JPH3: variants seen among roughly 807,000 people sequenced by gnomAD.
JPH3 encodes junctophilin-3.
In JPH3, 11 loss-of-function variants were observed where a neutral mutation model predicts 59.6. The observed-to-expected ratio is 0.18, with a 90% CI of 0.12 to 0.31. JPH3 has a LOEUF of 0.31. JPH3 is among the 10% of genes least tolerant of loss of function. The probability of loss-of-function intolerance (pLI) is 1.00; values close to 1 mark genes in which losing one functional copy is unlikely to be tolerated. For synonymous variants in JPH3, 673 were observed against 483.6 expected (o/e 1.39, Z -5.14); for missense variants, 1,202 against 1,105.7 (o/e 1.09, Z -1.24).
intron 1 of JPH3, chr16:87,604,606 C>G (rs1325176235): frequency 1.7e-6 from 2 of 1,209,640 alleles, no homozygotes; most frequent in Non-Finnish European, 2.1e-6. Flanking sequence ...GTGCTTCTGC[C>G]GAGAATAAAA....
At chr16:87,666,093 CT>C (rs5818641) in intron 2 of JPH3, among the ~76,000 whole-genome samples, 48,793 of 144,806 alleles carry the variant, frequency 0.34, 8,662 homozygotes, top group African/African-American at 0.47. Context: ...CTTTTTTTCT[CT>C]TTTTTTTTTT....
intron 1 of JPH3, among the ~76,000 whole-genome samples, chr16:87,636,266 T>A (rs2031742994): frequency 6.6e-6 from 1 of 152,206 alleles, no homozygotes; most frequent in African/African-American, 2.4e-5. Context: ...GTCCTGCATC[T>A]GCGCCGTTCA....
Position 87,607,026 on chromosome 16 carries a change from G to A in JPH3, c.382+3498G>A, listed in dbSNP as rs150050987. On this transcript the variant is annotated intron_variant, in intron 1 of 4. Transcript: ENST00000284262. ...CTCAGGACAGCCATCCCAGAGCCTGGGCCTTTGCTAGGTACGTCGCTCTCT... is the reference window on the plus strand; with the variant it reads ...CTCAGGACAGCCATCCCAGAGCCTGAGCCTTTGCTAGGTACGTCGCTCTCT... Among the ~76,000 whole-genome samples, 719 of 152,246 alleles carry A rather than the reference G, an allele frequency of 4.7e-3. 4 individuals carry two copies. The highest frequency in any genetic ancestry group is 7.5e-3 in the Non-Finnish European group (508 of 68,006).
At chr16:87,639,205 C>G (rs1174023104) in intron 1 of JPH3, among the ~76,000 whole-genome samples, 1 of 152,162 alleles carries the variant, frequency 6.6e-6, no homozygotes, top group African/African-American at 2.4e-5. Context: ...ATCTGCACAG[C>G]CGCCCTCCCC....
chr16:87,604,386 G>A, intron 1 of JPH3: 1 of 1,431,744 alleles, frequency 7.0e-7, no homozygotes. Context: ...CGCCTGCCTG[G>A]ACTCTCCGAT....
Position 87,603,309 on chromosome 16 carries a change from T to C in JPH3, c.163T>C (p.Trp55Arg). 1 of 1,613,264 alleles carries C rather than the reference T, an allele frequency of 6.2e-7. No individual in the cohort carries two copies. Among genetic ancestry groups the C allele is most frequent in the Non-Finnish European group, 8.5e-7 (1 of 1,179,820 alleles). ...CTTCGAGGTGCTGGGCGTCTACACCTGGCCCAGCGGCAACACGTACCAGGG... is the reference window on the plus strand; with the variant it reads ...CTTCGAGGTGCTGGGCGTCTACACCCGGCCCAGCGGCAACACGTACCAGGG... ...HGFEVLGVYT[W>R]PSGNTYQGTW... The change falls in exon 1 of 5, where the codon TGG becomes CGG. Residue 55 changes from tryptophan to arginine, a missense_variant. Trp to Arg is a moderately radical substitution (Grantham distance 101). Coordinates refer to ENST00000284262, the MANE Select transcript of JPH3 (RefSeq NM_020655.4).
intron 3 of JPH3, among the ~76,000 whole-genome samples, chr16:87,686,501 C>A (rs571407981): frequency 4.5e-5 from 5 of 111,092 alleles, no homozygotes; most frequent in Admixed American, 3.3e-4. Context: ...AGGGCTCAAT[C>A]CTGGAGTCAG....
intron 1 of JPH3, among the ~76,000 whole-genome samples, chr16:87,624,394 A>G (rs907548276): frequency 3.3e-5 from 5 of 151,960 alleles, no homozygotes; most frequent in African/African-American, 1.2e-4. Flanking sequence ...GACGTTTCGC[A>G]TGCGTGGAGT....
rs920913040 is a variant in JPH3, at chr16:87,696,878, C to T, written c.*218C>T. The stretch of plus-strand genomic sequence containing the variant: ...GCCAAAATTCTTTGCTTGTATAACA[C>T]TCTGCTGTGTGGCATGGCAGAAGGA... On this transcript the variant is annotated 3_prime_UTR_variant, in exon 5 of 5. Transcript: ENST00000284262. The T allele has an allele frequency of 1.5e-5, 8 of 549,402 alleles. No homozygotes were observed. The highest frequency in any genetic ancestry group is 2.3e-5 in the Non-Finnish European group (7 of 304,124). 34.0% of individuals were successfully genotyped at this position (549,402 alleles called of 1,614,324 possible).
intron 2 of JPH3, among the ~76,000 whole-genome samples, chr16:87,671,719 C>T (rs1412652288): frequency 5.3e-5 from 8 of 152,326 alleles, no homozygotes; most frequent in Middle Eastern, 3.4e-3. Flanking sequence ...TTGCCGCATC[C>T]TCCCTGGGCC....
intron 2 of JPH3, among the ~76,000 whole-genome samples, chr16:87,648,998 G>C: frequency 6.6e-6 from 1 of 152,190 alleles, no homozygotes; most frequent in East Asian, 1.9e-4. Flanking sequence ...GGGGAGATGA[G>C]GCATCACACA....
At chr16:87,628,049 G>A (rs945977522) in intron 1 of JPH3, among the ~76,000 whole-genome samples, 1 of 152,238 alleles carries the variant, frequency 6.6e-6, no homozygotes. Context: ...ACCCTTATGT[G>A]CTGTGTCCTG....
In JPH3 at chr16:87,647,545, G is replaced by A. The variant is rs542584418; in HGVS notation, c.1160+2510G>A. ...GCGGCTTGCCTTCTGCACTGGCGGAGTCCGAGCTGACTCCGTCCCTTCGCC... is the reference window on the plus strand; with the variant it reads ...GCGGCTTGCCTTCTGCACTGGCGGAATCCGAGCTGACTCCGTCCCTTCGCC... On this transcript the variant is annotated intron_variant, in intron 2 of 4. Transcript: ENST00000284262. Among the ~76,000 whole-genome samples, 4 of 152,312 alleles carry A rather than the reference G, an allele frequency of 2.6e-5. No individual in the cohort carries two copies. In the East Asian group the frequency reaches 7.8e-4, roughly 30 times the overall value.
chr16:87,681,723 A>G (rs922287673), intron 2 of JPH3, among the ~76,000 whole-genome samples: 1 of 152,132 alleles, frequency 6.6e-6, no homozygotes, highest in Non-Finnish European at 1.5e-5. Context: ...GGTCAAGTGC[A>G]TGTGGTCATA....
At chr16:87,655,800 C>T (rs1597266837) in intron 2 of JPH3, among the ~76,000 whole-genome samples, 1 of 152,242 alleles carries the variant, frequency 6.6e-6, no homozygotes, top group Admixed American at 6.5e-5. Context: ...ATCTCATGGT[C>T]CCTGCGTCTG....
intron 2 of JPH3, among the ~76,000 whole-genome samples, chr16:87,681,048 G>A (rs1004395160): frequency 5.9e-5 from 9 of 152,330 alleles, no homozygotes; most frequent in Admixed American, 2.0e-4. Context: ...GGGAGCTTAC[G>A]GGAGTGGGAG....
intron 1 of JPH3, among the ~76,000 whole-genome samples, chr16:87,639,836 C>G (rs765969245): frequency 2.0e-5 from 3 of 152,240 alleles, no homozygotes; most frequent in African/African-American, 4.8e-5. Flanking sequence ...AGCAGGTGCC[C>G]GGCTTTCCTT....
chr16:87,617,529 A>T (rs1238918135), intron 1 of JPH3, among the ~76,000 whole-genome samples: 1 of 148,724 alleles, frequency 6.7e-6, no homozygotes, highest in Non-Finnish European at 1.5e-5. Flanking sequence ...GGGCAGGGAA[A>T]TGGGGGGCCA....
At chr16:87,638,495 A>G (rs1387552419) in intron 1 of JPH3, among the ~76,000 whole-genome samples, 1 of 152,010 alleles carries the variant, frequency 6.6e-6, no homozygotes, top group African/African-American at 2.4e-5. Flanking sequence ...GAGCACTTGA[A>G]GGGGCGGCCT....
Sources: allele counts gnomAD v4.1 joint callset (sites outside exome capture counted in the v4.1 genomes callset), GRCh38; gene constraint gnomAD v4.1.1; transcripts MANE v1.5; gene names NCBI Gene and HGNC (gene_info 2026-07-23, HGNC 2026-07-21).